RXFP2: variants seen among roughly 807,000 people sequenced by gnomAD.
The protein encoded by RXFP2 is relaxin receptor 2.
In RXFP2, 68 loss-of-function variants were observed where a neutral mutation model predicts 88.6. The observed-to-expected ratio is 0.77, with a 90% CI of 0.63 to 0.94. RXFP2 has a LOEUF of 0.94. Among genes scored for constraint, RXFP2 ranks in the 40% least tolerant of loss-of-function variants. The pLI is 0.00. For missense variants in RXFP2, 791 were observed against 893.9 expected (o/e 0.88, Z 1.47); for synonymous variants, 329 against 306.8 (o/e 1.07, Z -0.76).
chr13:31,758,810 G>A (rs1392775510), intron 2 of RXFP2, among the ~76,000 whole-genome samples: 1 of 152,116 alleles, frequency 6.6e-6, no homozygotes, highest in Non-Finnish European at 1.5e-5. Flanking sequence ...GGCCGAGGCA[G>A]GTGGCTCACC....
At chr13:31,748,797 C>A (rs1180821861) in intron 1 of RXFP2, among the ~76,000 whole-genome samples, 1 of 151,930 alleles carries the variant, frequency 6.6e-6, no homozygotes, top group South Asian at 2.1e-4. Flanking sequence ...CCTACCTGGC[C>A]AACATGGTGA....
chr13:31,776,671 A>C (rs959263939), intron 7 of RXFP2, among the ~76,000 whole-genome samples: 7 of 152,184 alleles, frequency 4.6e-5, no homozygotes, highest in Non-Finnish European at 1.0e-4. Context: ...ACAGTTCCAC[A>C]TGCAAAGCTC....
intron 9 of RXFP2, 75 bp from the exon 10 acceptor site, chr13:31,781,596 C>T (rs907320612): frequency 4.5e-5 from 48 of 1,055,278 alleles, no homozygotes; most frequent in Non-Finnish European, 6.6e-5. Flanking sequence ...AACTTGATAA[C>T]CATTTTAAAA....
chr13:31,786,925 G>T (rs1274968308), intron 13 of RXFP2, among the ~76,000 whole-genome samples: 1 of 152,164 alleles, frequency 6.6e-6, no homozygotes, highest in African/African-American at 2.4e-5. Context: ...AATTAAATTT[G>T]CAATAGTTTT....
At chr13:31,789,066 C>A in intron 13 of RXFP2, 56 bp from the exon 14 acceptor site, 2 of 1,035,246 alleles carry the variant, frequency 1.9e-6, no homozygotes, top group African/African-American at 1.6e-5. Context: ...ATGAAGAATG[C>A]AATTATTAAA....
intron 13 of RXFP2, among the ~76,000 whole-genome samples, chr13:31,787,714 A>G (rs1873610928): frequency 6.6e-6 from 1 of 152,046 alleles, no homozygotes. Flanking sequence ...AGCTTGGCTC[A>G]CTGCAACCTC....
intron 17 of RXFP2, among the ~76,000 whole-genome samples, chr13:31,799,517 G>A (rs1050810116): frequency 2.0e-5 from 3 of 152,120 alleles, no homozygotes; most frequent in South Asian, 2.1e-4. Flanking sequence ...GCCTGACCCC[G>A]TCTCCACACC....
At chr13:31,740,617 G>A (rs940322599) in intron 1 of RXFP2, among the ~76,000 whole-genome samples, 1 of 151,750 alleles carries the variant, frequency 6.6e-6, no homozygotes, top group Non-Finnish European at 1.5e-5. Flanking sequence ...GAAATAAAAT[G>A]CAATACTTAT....
intron 1 of RXFP2, among the ~76,000 whole-genome samples, chr13:31,747,485 G>T (rs1871475723): frequency 2.0e-5 from 3 of 152,280 alleles, no homozygotes; most frequent in Middle Eastern, 3.4e-3. Flanking sequence ...CCCAAGTTTG[G>T]CCTAAGCTTC....
chr13:31,755,381 G>A (rs1046395795), intron 1 of RXFP2, among the ~76,000 whole-genome samples: 19 of 152,088 alleles, frequency 1.2e-4, no homozygotes, highest in Admixed American at 1.2e-3. Flanking sequence ...TTATGTGGAT[G>A]TGGGTGTGGG....
In RXFP2 at chr13:31,758,303, A is replaced by T. The variant is rs1329185560; in HGVS notation, c.140A>T (p.Lys47Ile). The T allele has an allele frequency of 6.2e-7, 1 of 1,614,092 alleles. No individual in the cohort carries two copies. The highest frequency in any genetic ancestry group is 1.7e-5 in the Admixed American group (1 of 60,034). Reference protein sequence around the residue: ...QGSMITPSCQKGYFPCGNLTK... With the variant: ...QGSMITPSCQIGYFPCGNLTK... ...AGCATGATCACTCCTTCATGCCAAA[A>T]AGGATATTTTCCCTGTGGGAATCTT... Residue 47 changes from lysine to isoleucine, a missense_variant, in exon 2 of 18, where the codon AAA (lysine) becomes ATA (isoleucine). Physicochemically the swap from Lys to Ile is moderately radical, Grantham distance 102. Coordinates refer to ENST00000298386, the MANE Select transcript of RXFP2 (RefSeq NM_130806.5).
chr13:31,796,045 T>C (rs1402036490), intron 16 of RXFP2, among the ~76,000 whole-genome samples: 2 of 114,148 alleles, frequency 1.8e-5, no homozygotes, highest in Non-Finnish European at 3.7e-5. Context: ...ATTCTTTTTT[T>C]TTTTTTTTTT....
chr13:31,740,858 T>TG (rs1219761156), intron 1 of RXFP2, among the ~76,000 whole-genome samples: 1 of 152,032 alleles, frequency 6.6e-6, no homozygotes, highest in Non-Finnish European at 1.5e-5. Context: ...GCAGTACAGT[T>TG]GCAACAAGCA....
At chr13:31,794,368 CCACACACA>C (rs56077729) in intron 16 of RXFP2, among the ~76,000 whole-genome samples, 58,444 of 145,508 alleles carry the variant, frequency 0.4, 11,664 homozygotes, top group South Asian at 0.54. Context: ...GAAACACACA[CCACACACA>C]CACACACACA....
At chr13:31,801,163 G>A (rs915702821) in intron 17 of RXFP2, among the ~76,000 whole-genome samples, 1 of 152,114 alleles carries the variant, frequency 6.6e-6, no homozygotes, top group East Asian at 1.9e-4. Flanking sequence ...GATTGCGAAG[G>A]AGGAGAGCAG....
chr13:31,778,429 T>G, intron 8 of RXFP2, 83 bp from the exon 9 acceptor site: 1 of 954,798 alleles, frequency 1.0e-6, no homozygotes, highest in Non-Finnish European at 1.7e-6. Flanking sequence ...AGCACGCAAG[T>G]TTTGAAATTT....
At position 31,765,154 on chromosome 13, in the gene RXFP2, T is replaced by A. The variant is rs779342718; in HGVS notation, c.425+12T>A. ...AATGTGACATTACTGTGAGTAAAAC[T>A]TAATTATTGGTGATATCTGTCCCTA... On this transcript the variant is annotated intron_variant, in intron 4 of 17. Transcript: ENST00000298386. The A allele has an allele frequency of 2.7e-6, 4 of 1,481,152 alleles. No individual in the cohort carries two copies. In the South Asian group the frequency reaches 4.5e-5, roughly 17 times the overall value. The allele number at this position is 1,481,152 out of a possible 1,614,324, so 91.8% of individuals were successfully genotyped here.
Position 31,783,579 on chromosome 13 carries a change from A to C in RXFP2, c.929+832A>C, listed in dbSNP as rs190269873. Among the ~76,000 whole-genome samples, 282 of 152,346 alleles carry C rather than the reference A, an allele frequency of 1.9e-3. 1 individual carries two copies. The highest frequency in any genetic ancestry group is 6.3e-3 in the African/African-American group (262 of 41,572). On this transcript the variant is annotated intron_variant, in intron 11 of 17. Coordinates refer to ENST00000298386, the MANE Select transcript of RXFP2 (RefSeq NM_130806.5). ...AGGTAATTCAATCTAATTAATGAGC[A>C]TCATAAATCAAATCCACACATATTT...
At chr13:31,786,517 A>T (rs750608657) in intron 12 of RXFP2, 49 bp from the exon 13 acceptor site, 3 of 1,535,208 alleles carry the variant, frequency 2.0e-6, no homozygotes, top group East Asian at 2.3e-5. Context: ...TCAAAATAAT[A>T]ATACCTTCAA....
Sources: allele counts gnomAD v4.1 joint callset (sites outside exome capture counted in the v4.1 genomes callset), GRCh38; gene constraint gnomAD v4.1.1; transcripts MANE v1.5; gene names NCBI Gene and HGNC (gene_info 2026-07-23, HGNC 2026-07-21).